TTC28: variants seen among roughly 807,000 people sequenced by gnomAD.
TTC28 encodes tetratricopeptide repeat domain 28, also known as tetratricopeptide repeat protein 28.
A neutral mutation model predicts 198.0 loss-of-function variants in TTC28; 61 were observed. That is an observed-to-expected ratio of 0.31 (90% CI 0.25 to 0.38). TTC28 has a LOEUF of 0.38. Ranked by LOEUF, TTC28 falls within the 10% of genes least tolerant of loss-of-function variation. The pLI is 1.00. For missense variants in TTC28, 2,678 were observed against 3,164.0 expected, an observed-to-expected ratio of 0.85 and a Z score of 3.69; for synonymous variants, 1,171 against 1,297.8, an observed-to-expected ratio of 0.90 and a Z score of 2.10.
chr22:28,158,386 C>G (rs908614572), intron 6 of TTC28, among the ~76,000 whole-genome samples: 4 of 152,102 alleles, frequency 2.6e-5, no homozygotes, highest in African/African-American at 9.7e-5. Context: ...CAATGACATT[C>G]TTCAAGGAAA....
chr22:28,104,175 T>C (rs532893722), intron 8 of TTC28, among the ~76,000 whole-genome samples: 108 of 152,212 alleles, frequency 7.1e-4, no homozygotes, highest in Non-Finnish European at 1.4e-3. Context: ...TAAAAGCGGG[T>C]AGGATGCCCA....
intron 2 of TTC28, among the ~76,000 whole-genome samples, chr22:28,460,154 C>A (rs1483628288): frequency 6.6e-6 from 1 of 151,880 alleles, no homozygotes; most frequent in Non-Finnish European, 1.5e-5. Flanking sequence ...ATTATCAGAA[C>A]AAAAGTTGAA....
At chr22:28,603,601 C>A (rs1179506675) in intron 2 of TTC28, among the ~76,000 whole-genome samples, 2 of 151,994 alleles carry the variant, frequency 1.3e-5, no homozygotes, top group Admixed American at 1.3e-4. Context: ...GGCTTTGTTG[C>A]CTAGGCTTGT....
chr22:28,224,674 A>AG (rs770434090), intron 5 of TTC28, among the ~76,000 whole-genome samples: 1 of 152,054 alleles, frequency 6.6e-6, no homozygotes. Flanking sequence ...GGGCTGGTGG[A>AG]GGGGGTCATG....
At chr22:28,140,404 A>G (rs1036424395) in intron 6 of TTC28, among the ~76,000 whole-genome samples, 1 of 152,196 alleles carries the variant, frequency 6.6e-6, no homozygotes, top group African/African-American at 2.4e-5. Flanking sequence ...GAAGCTTTTA[A>G]TGTTACCAGG....
chr22:28,278,368 A>G (rs1025047687), intron 5 of TTC28, among the ~76,000 whole-genome samples: 11 of 152,336 alleles, frequency 7.2e-5, no homozygotes, highest in African/African-American at 2.2e-4. Context: ...TTAAATGACT[A>G]GGATCCAGTT....
chr22:28,032,190 A>AT lies in TTC28; in HGVS notation c.3933-1825_3933-1824insA, dbSNP rs1569094713. On this transcript the variant is annotated intron_variant, in intron 12 of 22. Transcript: ENST00000397906. The stretch of plus-strand genomic sequence containing the variant: ...TGTGTATATATATATATATATATAA[A>AT]ATATATATATATAAAATATATATAT... 4.0e-3 allele frequency among the ~76,000 whole-genome samples: 294 copies of AT among 72,998 alleles called. 6 individuals carry two copies. The highest frequency in any genetic ancestry group is 5.8e-3 in the Non-Finnish European group (239 of 41,338). 47.9% of individuals were successfully genotyped at this position (72,998 alleles called of 152,430 possible). A position where few individuals can be genotyped will look rare whatever the true frequency, so the allele number is the denominator to read the frequency against.
rs1255312953 is a variant in TTC28 at position 28,297,807 on chromosome 22, T to G, written c.575A>C (p.Asp192Ala). ...TYQQLQKMKL[D>A]KSPFVVVSVV... ...AGACACGACCACAAAGGGACTCTTGTCCAGTTTCATTTTCTGAAGCTGCTG... is the reference window on the plus strand; with the variant it reads ...AGACACGACCACAAAGGGACTCTTGGCCAGTTTCATTTTCTGAAGCTGCTG... Residue 192 changes from aspartate to alanine, a missense_variant, in exon 4 of 23, where the codon GAC (aspartate) becomes GCC (alanine). Asp to Ala is a moderately radical substitution (Grantham distance 126). This residue lies in a region of TTC28 where 176 missense variants were observed against 197.9 expected (regional missense o/e 0.89). Transcript: ENST00000397906. 1 of 1,551,630 alleles carries G rather than the reference T, an allele frequency of 6.4e-7. No homozygotes were observed. Among genetic ancestry groups the G allele is most frequent in the Non-Finnish European group, 8.7e-7 (1 of 1,146,990 alleles).
intron 1 of TTC28, among the ~76,000 whole-genome samples, chr22:28,652,591 C>T (rs906476139): frequency 6.6e-6 from 1 of 152,208 alleles, no homozygotes; most frequent in African/African-American, 2.4e-5. Flanking sequence ...TTTTGTTCCA[C>T]AGGTAATACA....
chr22:28,040,722 G>C (rs555261026), intron 12 of TTC28, among the ~76,000 whole-genome samples: 1 of 152,306 alleles, frequency 6.6e-6, no homozygotes, highest in South Asian at 2.1e-4. Context: ...CATAGTGTTG[G>C]AAGTTCTGGC....
chr22:28,615,648 A>G (rs2050892595), intron 2 of TTC28, among the ~76,000 whole-genome samples: 1 of 152,146 alleles, frequency 6.6e-6, no homozygotes, highest in Non-Finnish European at 1.5e-5. Flanking sequence ...CTTTGCAGGG[A>G]CATGGATGAA....
chr22:28,346,339 T>C (rs146794215), intron 2 of TTC28, among the ~76,000 whole-genome samples: 108 of 152,310 alleles, frequency 7.1e-4, no homozygotes, highest in African/African-American at 2.4e-3. Flanking sequence ...ATGTATCAGA[T>C]TGGATTAGGG....
chr22:28,089,584 C>T (rs1001606696), intron 12 of TTC28, among the ~76,000 whole-genome samples: 5 of 151,070 alleles, frequency 3.3e-5, no homozygotes, highest in Non-Finnish European at 7.4e-5. Flanking sequence ...TTACTGGGTG[C>T]AGCACACCAG....
intron 5 of TTC28, among the ~76,000 whole-genome samples, chr22:28,166,863 A>G (rs1484734899): frequency 3.3e-5 from 5 of 152,234 alleles, no homozygotes; most frequent in Non-Finnish European, 7.3e-5. Context: ...AAAACCCTTC[A>G]AAACATCAAT....
At chr22:28,163,884 C>T (rs576355851) in intron 5 of TTC28, among the ~76,000 whole-genome samples, 24 of 152,190 alleles carry the variant, frequency 1.6e-4, no homozygotes, top group Non-Finnish European at 2.9e-4. Context: ...TCAAGGAATT[C>T]CCTTTCCTAG....
At chr22:28,243,562 C>T (rs148807482) in intron 5 of TTC28, among the ~76,000 whole-genome samples, 23 of 152,008 alleles carry the variant, frequency 1.5e-4, no homozygotes, top group South Asian at 2.1e-4. Flanking sequence ...AGTTTTGATG[C>T]TATCATGAAC....
intron 2 of TTC28, among the ~76,000 whole-genome samples, chr22:28,447,447 AAC>A (rs1350342743): frequency 6.6e-6 from 1 of 152,254 alleles, no homozygotes; most frequent in Non-Finnish European, 1.5e-5. Flanking sequence ...TAACAGGCCA[AAC>A]AAAACCTGCC....
At chr22:28,541,668 G>A (rs2049413400) in intron 2 of TTC28, among the ~76,000 whole-genome samples, 2 of 151,580 alleles carry the variant, frequency 1.3e-5, no homozygotes, top group South Asian at 4.1e-4. Flanking sequence ...TAGCAGACAA[G>A]AAAATTAAAA....
At chr22:28,233,935 G>T (rs1929024521) in intron 5 of TTC28, among the ~76,000 whole-genome samples, 1 of 145,978 alleles carries the variant, frequency 6.9e-6, no homozygotes, top group African/African-American at 2.5e-5. Flanking sequence ...TTGAGACAGA[G>T]TCTTGCTGTC....
Sources: allele counts gnomAD v4.1 joint callset (sites outside exome capture counted in the v4.1 genomes callset), GRCh38; gene constraint gnomAD v4.1.1; regional missense constraint gnomAD v4.1.1; transcripts MANE v1.5; gene names NCBI Gene and HGNC (gene_info 2026-07-23, HGNC 2026-07-21).